FOCAD: variants seen among roughly 807,000 people sequenced by gnomAD.
FOCAD encodes the protein focadhesin.
In FOCAD, 198 loss-of-function variants were observed where a neutral mutation model predicts 225.6. The observed-to-expected ratio is 0.88, with a 90% CI of 0.78 to 0.99. The LOEUF (loss-of-function observed/expected upper bound fraction) is 0.99, where lower values mean the gene tolerates loss of function less well. Among genes scored for constraint, FOCAD ranks in the 50% least tolerant of loss-of-function variants. FOCAD has a pLI of 0.00. For synonymous variants in FOCAD, 897 were observed against 755.0 expected (o/e 1.19, Z -3.08); for missense variants, 2,713 against 2,123.6 (o/e 1.28, Z -5.46).
intron 5 of FOCAD, among the ~76,000 whole-genome samples, chr9:20,756,798 T>G (rs913540347): frequency 2.0e-5 from 3 of 152,240 alleles, no homozygotes; most frequent in African/African-American, 7.2e-5. Flanking sequence ...ACTGATGGTC[T>G]GATTGTTACT....
In FOCAD at chr9:20,953,000, G is replaced by C; in HGVS notation, c.4067G>C (p.Ser1356Thr). 1.9e-6 allele frequency: 3 copies of C among 1,613,516 alleles called. No individual in the cohort carries two copies. The highest frequency in any genetic ancestry group is 3.3e-4 in the Middle Eastern group (2 of 6,056). Residue 1356 changes from serine (S) to threonine (T), a missense_variant, in exon 35 of 44, where the codon AGC becomes ACC. By Grantham distance (58) the Ser-to-Thr change is moderately conservative. Coordinates refer to ENST00000338382, the MANE Select transcript of FOCAD (RefSeq NM_001375567.1). ...GTCTCCACAGTTCCTACTGACTATA[G>C]CTACTTGCCTGAAAGCAGTTTTATT... ...QSRASVPTDYSYLPESSFIGA... is the reference protein window; with the variant it reads ...QSRASVPTDYTYLPESSFIGA...
At chr9:20,782,297 A>T (rs983810455) in intron 10 of FOCAD, among the ~76,000 whole-genome samples, 1 of 152,198 alleles carries the variant, frequency 6.6e-6, no homozygotes, top group African/African-American at 2.4e-5. Context: ...ATCTGAGATA[A>T]TCCAAGGTGG....
intron 35 of FOCAD, among the ~76,000 whole-genome samples, chr9:20,972,135 A>G (rs13300024): frequency 0.13 from 20,177 of 152,130 alleles, 1,681 homozygotes; most frequent in East Asian, 0.19. Flanking sequence ...GCTGGATTAT[A>G]TGGTAGTTCT....
intron 39 of FOCAD, among the ~76,000 whole-genome samples, 173 bp from the exon 40 acceptor site, chr9:20,986,115 C>G (rs2132663206): frequency 6.6e-6 from 1 of 152,170 alleles, no homozygotes; most frequent in Admixed American, 6.5e-5. Flanking sequence ...TTACAACCCT[C>G]TATTGTATGC....
chr9:20,818,011 C>G (rs1823913161), intron 11 of FOCAD, among the ~76,000 whole-genome samples: 1 of 152,108 alleles, frequency 6.6e-6, no homozygotes, highest in Non-Finnish European at 1.5e-5. Context: ...GAGCAGTGTA[C>G]AAGGGTTCCA....
At chr9:20,918,592 C>A (rs561854799) in intron 24 of FOCAD, among the ~76,000 whole-genome samples, 1 of 151,832 alleles carries the variant, frequency 6.6e-6, no homozygotes, top group South Asian at 2.1e-4. Context: ...GGCGTAATGG[C>A]GGGCGCCTGT....
chr9:20,787,184 C>T (rs572708201), intron 10 of FOCAD: 23 of 168,724 alleles, frequency 1.4e-4, no homozygotes, highest in South Asian at 5.3e-4. Flanking sequence ...TTTACTCTTA[C>T]ATGTCTCTGT....
At chr9:20,699,273 G>A (rs1473859928) in intron 1 of FOCAD, among the ~76,000 whole-genome samples, 1 of 152,124 alleles carries the variant, frequency 6.6e-6, no homozygotes, top group African/African-American at 2.4e-5. Context: ...TAGTCTTTGA[G>A]GGTGAAATGA....
At chr9:20,789,809 G>A (rs1191289246) in intron 11 of FOCAD, among the ~76,000 whole-genome samples, 4 of 151,100 alleles carry the variant, frequency 2.6e-5, no homozygotes, top group African/African-American at 7.3e-5. Context: ...GATGCAAACA[G>A]TTTTTAAATG....
intron 20 of FOCAD, 99 bp downstream of exon 20, chr9:20,882,155 G>A (rs1830723930): frequency 2.0e-6 from 2 of 997,506 alleles, no homozygotes; most frequent in African/African-American, 1.6e-5. Context: ...GGGTGTTGCT[G>A]CTGCTACTAA....
chr9:20,968,611 T>C (rs1261635951), intron 35 of FOCAD, among the ~76,000 whole-genome samples: 3 of 151,830 alleles, frequency 2.0e-5, no homozygotes, highest in Non-Finnish European at 4.4e-5. Context: ...CCAGCTAATT[T>C]TTGTATTTTT....
Position 20,819,794 on chromosome 9 carries a change from A to C in FOCAD, c.1456-2A>C. The C allele has an allele frequency of 6.7e-7, 1 of 1,494,150 alleles. No homozygotes were observed. Among genetic ancestry groups the C allele is most frequent in the Non-Finnish European group, 8.9e-7 (1 of 1,119,292 alleles). The allele number at this position is 1,494,150 out of a possible 1,614,324, so 92.6% of individuals were successfully genotyped here. A position where few individuals can be genotyped will look rare whatever the true frequency, so the allele number is the denominator to read the frequency against. ...TTAATATATTTTAAAAATTCATTTT[A>C]GGTGCCAAATCTGATTCCAGTTTTG... On this transcript the variant is annotated splice_acceptor_variant, in intron 11 of 43. Coordinates refer to ENST00000338382, the MANE Select transcript of FOCAD (RefSeq NM_001375567.1). LOFTEE classifies it high-confidence loss of function.
intron 35 of FOCAD, among the ~76,000 whole-genome samples, chr9:20,973,226 A>G (rs1045595906): frequency 1.3e-5 from 2 of 149,672 alleles, no homozygotes; most frequent in African/African-American, 5.0e-5. Flanking sequence ...TTCTTTCAGC[A>G]TCTGCTGATG....
At chr9:20,841,775 A>G (rs1467640140) in intron 15 of FOCAD, among the ~76,000 whole-genome samples, 5 of 148,682 alleles carry the variant, frequency 3.4e-5, no homozygotes, top group African/African-American at 9.9e-5. Context: ...CATCTTTGTT[A>G]TTTCTTTTCT....
chr9:20,957,234 C>A (rs1276229789), intron 35 of FOCAD, among the ~76,000 whole-genome samples: 1 of 82,234 alleles, frequency 1.2e-5, no homozygotes, highest in Non-Finnish European at 2.5e-5. Context: ...CAGATAATTT[C>A]TGTACTTTTT....
At chr9:20,656,688 G>C (rs1821486431), upstream of FOCAD, among the ~76,000 whole-genome samples, 1 of 152,000 alleles carries the variant, frequency 6.6e-6, no homozygotes, top group East Asian at 1.9e-4. Flanking sequence ...CGTGAGATGG[G>C]TTTCCTGAAT....
intron 28 of FOCAD, among the ~76,000 whole-genome samples, chr9:20,935,765 G>A (rs992378692): frequency 2.6e-5 from 4 of 152,130 alleles, no homozygotes; most frequent in African/African-American, 4.8e-5. Context: ...GCCTTTGACC[G>A]ATGATTTATG....
chr9:20,755,401 A>T (rs996099688), intron 5 of FOCAD, among the ~76,000 whole-genome samples: 2 of 152,200 alleles, frequency 1.3e-5, no homozygotes, highest in Non-Finnish European at 2.9e-5. Flanking sequence ...GGTATGCATA[A>T]ATGTAAATTA....
At chr9:20,836,084 A>G (rs374371663) in intron 15 of FOCAD, among the ~76,000 whole-genome samples, 2 of 152,008 alleles carry the variant, frequency 1.3e-5, no homozygotes, top group South Asian at 4.1e-4. Flanking sequence ...GCCCTCTCTC[A>G]TCATCCTAAC....
Sources: gnomAD v4.1 joint callset for allele counts (sites outside exome capture counted in the v4.1 genomes callset) on GRCh38, gnomAD v4.1.1 for gene constraint, MANE v1.5 for transcripts, NCBI Gene and HGNC (gene_info 2026-07-23, HGNC 2026-07-21) for gene names.